The following PSMA1 variants were observed in gnomAD, a reference collection of about 807,000 sequenced individuals.
PSMA1 encodes proteasome 20S subunit alpha 1, also known as proteasome subunit alpha type-1.
PSMA1 carries 3 observed loss-of-function variants against 38.4 expected under a neutral mutation model. The ratio of observed to expected loss-of-function variants is 0.08; its 90% CI spans 0.04 to 0.20. PSMA1 has a LOEUF of 0.20. Among genes scored for constraint, PSMA1 ranks in the 10% least tolerant of loss-of-function variants. The pLI is 1.00. For missense variants in PSMA1, 227 were observed against 325.3 expected (o/e 0.70, Z 2.32); for synonymous variants, 101 against 107.1 (o/e 0.94, Z 0.35).
At chr11:14,582,910 A>G (rs1360135440) in intron 2 of PSMA1, among the ~76,000 whole-genome samples, 1 of 152,210 alleles carries the variant, frequency 6.6e-6, no homozygotes, top group Non-Finnish European at 1.5e-5. Flanking sequence ...TGCTCAGTCC[A>G]CCACATCTGG....
At chr11:14,589,741 A>G (rs1852389765) in intron 2 of PSMA1, among the ~76,000 whole-genome samples, 1 of 152,210 alleles carries the variant, frequency 6.6e-6, no homozygotes, top group Admixed American at 6.5e-5. Context: ...TACACAAGCA[A>G]CAGTACATAA....
At chr11:14,617,782 G>C (rs2134201945) in intron 1 of PSMA1, among the ~76,000 whole-genome samples, 1 of 151,980 alleles carries the variant, frequency 6.6e-6, no homozygotes, top group South Asian at 2.1e-4. Context: ...CCGCTGCTGT[G>C]ACTCATGGCT....
chr11:14,570,616 A>G (rs968826799), intron 2 of PSMA1, among the ~76,000 whole-genome samples: 5 of 152,084 alleles, frequency 3.3e-5, no homozygotes, highest in African/African-American at 1.2e-4. Flanking sequence ...GAGTGATTGA[A>G]GATCAAATGA....
In PSMA1 at chr11:14,629,414, T is replaced by C. The variant is rs1245110345; in HGVS notation, c.-166+14041A>G. On this transcript the variant is annotated intron_variant, in intron 1 of 10. Transcript: ENST00000418988. Reference sequence around the variant, plus strand: ...TAGCCAGTTTTTCCAGCACCATTTATTAAATAGGGAATCCTTTCCCCATTG... The same window carrying C: ...TAGCCAGTTTTTCCAGCACCATTTACTAAATAGGGAATCCTTTCCCCATTG... Among the ~76,000 whole-genome samples the C allele has an allele frequency of 9.1e-4, 139 of 152,326 alleles. 4 individuals carry two copies. In the South Asian group the frequency reaches 0.028, roughly 31 times the overall value.
chr11:14,619,854 T>C (rs1852820500), intron 1 of PSMA1, among the ~76,000 whole-genome samples: 1 of 152,204 alleles, frequency 6.6e-6, no homozygotes, highest in Non-Finnish European at 1.5e-5. Flanking sequence ...AGGGCTTTAA[T>C]AGCAATCACT....
In PSMA1 at chr11:14,597,801, T is replaced by A. The variant is rs1391527107; in HGVS notation, c.21+13165A>T. On this transcript the variant is annotated intron_variant, in intron 2 of 10. Coordinates refer to the PSMA1 transcript ENST00000418988. ...CTTGCCTTCTGCTAGCTTTTGAATG[T>A]GTTTGCTCTTGCTTCTCTAGTTCTT... 2.6e-5 allele frequency among the ~76,000 whole-genome samples: 4 copies of A among 152,196 alleles called. No individual in the cohort carries two copies. In the South Asian group the frequency reaches 6.2e-4, roughly 24 times the overall value.
intron 2 of PSMA1, among the ~76,000 whole-genome samples, chr11:14,591,160 C>T (rs997751571): frequency 6.6e-5 from 10 of 152,252 alleles, no homozygotes; most frequent in African/African-American, 1.7e-4. Context: ...TCGGAGCAGC[C>T]GGCCGGCCCT....
chr11:14,608,278 G>A (rs1852666513), intron 2 of PSMA1, among the ~76,000 whole-genome samples: 2 of 152,062 alleles, frequency 1.3e-5, no homozygotes, highest in African/African-American at 4.8e-5. Flanking sequence ...TTCAGCTCAG[G>A]TGTTGGAGGC....
At chr11:14,577,397 T>G (rs1412213928) in intron 2 of PSMA1, among the ~76,000 whole-genome samples, 3 of 152,144 alleles carry the variant, frequency 2.0e-5, no homozygotes, top group Non-Finnish European at 4.4e-5. Flanking sequence ...GCTTTAATAC[T>G]ACTACTAATT....
chr11:14,595,093 T>C (rs918919017), intron 2 of PSMA1, among the ~76,000 whole-genome samples: 1 of 152,248 alleles, frequency 6.6e-6, no homozygotes, highest in African/African-American at 2.4e-5. Flanking sequence ...ACTCATCCTT[T>C]TTTATGGCTG....
chr11:14,509,199 G>T (rs1181822042), intron 8 of PSMA1, among the ~76,000 whole-genome samples: 1 of 152,010 alleles, frequency 6.6e-6, no homozygotes, highest in Admixed American at 6.6e-5. Flanking sequence ...CCTCCCCAAC[G>T]CCTACTCTAA....
intron 2 of PSMA1, among the ~76,000 whole-genome samples, chr11:14,584,077 T>TA (rs1248018917): frequency 2.6e-5 from 4 of 152,182 alleles, no homozygotes; most frequent in African/African-American, 4.8e-5. Context: ...GAAAGTTTTT[T>TA]AAAAAAATTC....
At chr11:14,601,262 A>T (rs1210073841) in intron 2 of PSMA1, among the ~76,000 whole-genome samples, 4 of 152,188 alleles carry the variant, frequency 2.6e-5, no homozygotes, top group Non-Finnish European at 5.9e-5. Context: ...CAAACATGAG[A>T]GGAGTAGCTG....
chr11:14,638,617 G>T lies in PSMA1; in HGVS notation c.-166+4838C>A, dbSNP rs1221985331. Among the ~76,000 whole-genome samples the T allele has an allele frequency of 1.1e-3, 27 of 24,398 alleles. 1 individual carries two copies. The highest frequency in any genetic ancestry group is 1.6e-3 in the African/African-American group (10 of 6,210). 16.0% of individuals were successfully genotyped at this position (24,398 alleles called of 152,430 possible). ...TTTTTTTTTTTTTTTTTTTTTTTTT[G>T]GTGCGCTCTGCTTGTTGGCTCCATT... On this transcript the variant is annotated intron_variant, in intron 1 of 10. Coordinates refer to the PSMA1 transcript ENST00000418988.
In PSMA1 at chr11:14,626,135, C is replaced by CT. The variant is rs375741630; in HGVS notation, c.-165-14985dup. ...TCCTCTATCTCTAACTGTTCTTTCA[C>CT]TTTTTTTTTTTCCCTATTTACAGTT... On this transcript the variant is annotated intron_variant, in intron 1 of 10. Transcript: ENST00000418988. 7.8e-3 allele frequency among the ~76,000 whole-genome samples: 1,107 copies of CT among 142,014 alleles called. 37 individuals are homozygous for CT. Among genetic ancestry groups the CT allele is most frequent in the South Asian group, 0.03 (141 of 4,680 alleles). 93.2% of individuals were successfully genotyped at this position (142,014 alleles called of 152,430 possible).
intron 1 of PSMA1, 108 bp from the exon 2 acceptor site, chr11:14,519,149 CTG>C: frequency 1.1e-6 from 1 of 899,244 alleles, no homozygotes; most frequent in African/African-American, 1.6e-5. Context: ...TTAAGGCACT[CTG>C]TTCATGCAGT....
At chr11:14,537,547 T>G (rs1490043998) in intron 2 of PSMA1, among the ~76,000 whole-genome samples, 1 of 137,924 alleles carries the variant, frequency 7.3e-6, no homozygotes, top group Admixed American at 7.3e-5. Context: ...CCCTGCAGGG[T>G]TTTTTTTTTT....
intron 1 of PSMA1, among the ~76,000 whole-genome samples, chr11:14,631,632 T>C (rs1454888085): frequency 1.3e-5 from 2 of 152,124 alleles, no homozygotes. Context: ...CTGAAAAAAA[T>C]GTATATTCTG....
intron 2 of PSMA1, among the ~76,000 whole-genome samples, chr11:14,572,428 G>A (rs1852155518): frequency 1.3e-5 from 2 of 152,284 alleles, no homozygotes; most frequent in South Asian, 2.1e-4. Context: ...AGTACATAAC[G>A]AAATGAAGGC....
Sources: gnomAD v4.1 joint callset for allele counts (sites outside exome capture counted in the v4.1 genomes callset) on GRCh38, gnomAD v4.1.1 for gene constraint, MANE v1.5 for transcripts, NCBI Gene and HGNC (gene_info 2026-07-23, HGNC 2026-07-21) for gene names.